The following MEI4 variants were observed in gnomAD, a reference collection of about 807,000 sequenced individuals.
MEI4 encodes meiosis-specific protein MEI4.
MEI4 carries 27 observed loss-of-function variants against 31.4 expected under a neutral mutation model. That is an observed-to-expected ratio of 0.86 (90% CI 0.63 to 1.19). The LOEUF (loss-of-function observed/expected upper bound fraction) is 1.19, where lower values mean the gene tolerates loss of function less well. Among genes scored for constraint, MEI4 ranks in the 50% most tolerant of loss-of-function variants. The pLI, the probability that MEI4 is intolerant of heterozygous loss-of-function variation, is 0.00. For synonymous variants in MEI4, 122 were observed against 145.4 expected (o/e 0.84, Z 1.16); for missense variants, 329 against 398.9 (o/e 0.82, Z 1.49).
chr6:77,741,153 T>C (rs1767390315), intron 2 of MEI4, among the ~76,000 whole-genome samples: 1 of 152,156 alleles, frequency 6.6e-6, no homozygotes, highest in Non-Finnish European at 1.5e-5. Flanking sequence ...GTTATGTTAA[T>C]TAGCATGGCA....
At chr6:77,767,392 A>C (rs910948361) in intron 3 of MEI4, among the ~76,000 whole-genome samples, 1 of 150,366 alleles carries the variant, frequency 6.7e-6, no homozygotes, top group Non-Finnish European at 1.5e-5. Context: ...ATAAATGAAT[A>C]AATAAATAAA....
intron 3 of MEI4, among the ~76,000 whole-genome samples, chr6:77,815,205 G>A (rs1769661712): frequency 6.6e-6 from 1 of 152,062 alleles, no homozygotes; most frequent in Non-Finnish European, 1.5e-5. Flanking sequence ...CAGTCACACA[G>A]ACAGGCTTTC....
Position 77,733,211 on chromosome 6 carries a change from C to A in MEI4, c.233-27919C>A, listed in dbSNP as rs905855373. ...AGTTTCAGAAGGAATGGTACCAGCT[C>A]CTCCTAGTACCTCTGGTAGAATTTG... On this transcript the variant is annotated intron_variant, in intron 2 of 4. Transcript: ENST00000684080. Among the ~76,000 whole-genome samples the A allele has an allele frequency of 2.6e-4, 39 of 151,848 alleles. 1 individual carries two copies. The highest frequency in any genetic ancestry group is 9.5e-4 in the African/African-American group (39 of 41,186).
chr6:77,802,282 A>G (rs962790859), intron 3 of MEI4, among the ~76,000 whole-genome samples: 1 of 152,164 alleles, frequency 6.6e-6, no homozygotes, highest in African/African-American at 2.4e-5. Flanking sequence ...ATCAGAGACT[A>G]GGATTGCAAC....
intron 2 of MEI4, among the ~76,000 whole-genome samples, chr6:77,732,537 A>C (rs1451306698): frequency 1.3e-5 from 2 of 151,946 alleles, no homozygotes; most frequent in Admixed American, 1.3e-4. Flanking sequence ...GGCTGAGACA[A>C]GGGGTTTTCC....
At chr6:77,773,504 C>T (rs578249107) in intron 3 of MEI4, among the ~76,000 whole-genome samples, 1 of 152,090 alleles carries the variant, frequency 6.6e-6, no homozygotes, top group African/African-American at 2.4e-5. Context: ...ATACTAGACC[C>T]CTATCTGTCA....
intron 1 of MEI4, among the ~76,000 whole-genome samples, chr6:77,690,026 T>C (rs1242962383): frequency 6.6e-6 from 1 of 151,982 alleles, no homozygotes; most frequent in Non-Finnish European, 1.5e-5. Context: ...AAAAGTATGC[T>C]CAGAATGACG....
chr6:77,884,447 G>T (rs1771573250), intron 4 of MEI4, among the ~76,000 whole-genome samples: 1 of 152,136 alleles, frequency 6.6e-6, no homozygotes, highest in Non-Finnish European at 1.5e-5. Flanking sequence ...ACATCCTGAA[G>T]CATTTCCCCT....
chr6:77,796,462 C>A (rs1445256856), intron 3 of MEI4, among the ~76,000 whole-genome samples: 6 of 151,920 alleles, frequency 3.9e-5, no homozygotes, highest in Admixed American at 3.3e-4. Flanking sequence ...TATAGAACAC[C>A]CTAAAAATGC....
chr6:77,844,621 T>A (rs999155276), intron 4 of MEI4, among the ~76,000 whole-genome samples: 5 of 152,214 alleles, frequency 3.3e-5, no homozygotes, highest in African/African-American at 1.2e-4. Flanking sequence ...CAGAAATTGG[T>A]AATTTTATAA....
At chr6:77,827,520 A>C (rs553382230) in intron 3 of MEI4, among the ~76,000 whole-genome samples, 5 of 152,226 alleles carry the variant, frequency 3.3e-5, no homozygotes, top group South Asian at 4.1e-4. Context: ...TTCTAAATCA[A>C]GGGCTCAAAT....
At chr6:77,802,841 G>A (rs898417085) in intron 3 of MEI4, among the ~76,000 whole-genome samples, 3 of 152,190 alleles carry the variant, frequency 2.0e-5, no homozygotes, top group African/African-American at 7.2e-5. Context: ...TGAGACATCA[G>A]CTGTTAGTCT....
At chr6:77,754,178 C>A (rs1011536894) in intron 2 of MEI4, among the ~76,000 whole-genome samples, 4 of 152,146 alleles carry the variant, frequency 2.6e-5, no homozygotes, top group Non-Finnish European at 4.4e-5. Flanking sequence ...GTGCAGCAAA[C>A]CACCATGGCA....
At chr6:77,795,736 A>C (rs886452001) in intron 3 of MEI4, among the ~76,000 whole-genome samples, 2 of 151,316 alleles carry the variant, frequency 1.3e-5, no homozygotes, top group African/African-American at 4.8e-5. Context: ...AAATCTTAAC[A>C]TGGCAATAAT....
At chr6:77,677,471 C>T (rs1245142190) in intron 1 of MEI4, among the ~76,000 whole-genome samples, 5 of 152,180 alleles carry the variant, frequency 3.3e-5, no homozygotes, top group Non-Finnish European at 5.9e-5. Context: ...GATATCTTTT[C>T]TTCCCTAGTA....
intron 3 of MEI4, among the ~76,000 whole-genome samples, chr6:77,790,783 G>T (rs1768902100): frequency 6.6e-6 from 1 of 151,898 alleles, no homozygotes; most frequent in South Asian, 2.1e-4. Flanking sequence ...GTATCTAATA[G>T]AACATGGCGT....
At chr6:77,888,636 T>C (rs1031995323) in intron 4 of MEI4, among the ~76,000 whole-genome samples, 6 of 152,192 alleles carry the variant, frequency 3.9e-5, no homozygotes, top group African/African-American at 1.4e-4. Flanking sequence ...GACTTTTTTT[T>C]CAATGCTTTG....
intron 3 of MEI4, among the ~76,000 whole-genome samples, chr6:77,789,532 C>A (rs1404444395): frequency 6.6e-6 from 1 of 152,160 alleles, no homozygotes; most frequent in East Asian, 1.9e-4. Flanking sequence ...TATCCAGAAT[C>A]TAAATGAACT....
At chr6:77,715,721 G>A (rs1380758963) in intron 2 of MEI4, among the ~76,000 whole-genome samples, 2 of 152,152 alleles carry the variant, frequency 1.3e-5, no homozygotes, top group East Asian at 3.9e-4. Flanking sequence ...ATGGAATCAC[G>A]TATGTCTCCA....
Sources: gnomAD v4.1 joint callset for allele counts (sites outside exome capture counted in the v4.1 genomes callset) on GRCh38, gnomAD v4.1.1 for gene constraint, MANE v1.5 for transcripts, NCBI Gene and HGNC (gene_info 2026-07-23, HGNC 2026-07-21) for gene names.